SCN11A: variants seen among roughly 807,000 people sequenced by gnomAD.
SCN11A encodes the protein sodium voltage-gated channel alpha subunit 11, also known as sodium channel protein type 11 subunit alpha.
In SCN11A, 122 loss-of-function variants were observed where a neutral mutation model predicts 162.2. The ratio of observed to expected loss-of-function variants is 0.75; its 90% CI spans 0.65 to 0.87. The LOEUF (loss-of-function observed/expected upper bound fraction) is 0.87. SCN11A is among the 40% of genes least tolerant of loss of function. The pLI is 0.00. For missense variants in SCN11A, 2,015 were observed against 2,181.6 expected (o/e 0.92, Z 1.52); for synonymous variants, 758 against 751.5 (o/e 1.01, Z -0.14).
chr3:38,913,953 T>C (rs968649277), intron 11 of SCN11A, among the ~76,000 whole-genome samples: 1 of 152,182 alleles, frequency 6.6e-6, no homozygotes, highest in African/African-American at 2.4e-5. Flanking sequence ...ACTTTTTACT[T>C]AGGATTGCCT....
chr3:39,012,097 G>C (rs538661987), intron 2 of SCN11A, among the ~76,000 whole-genome samples: 1 of 152,016 alleles, frequency 6.6e-6, no homozygotes, highest in Admixed American at 6.6e-5. Context: ...AGGCCAAGGC[G>C]GGCAGATCAC....
chr3:38,934,352 A>C (rs200755708), intron 7 of SCN11A, among the ~76,000 whole-genome samples: 15,657 of 152,136 alleles, frequency 0.1, 1,036 homozygotes, highest in East Asian at 0.22. Context: ...TCATAATGAC[A>C]GGATCAAATT....
intron 2 of SCN11A, among the ~76,000 whole-genome samples, chr3:38,976,183 C>T (rs1466037632): frequency 6.6e-6 from 1 of 152,068 alleles, no homozygotes; most frequent in East Asian, 1.9e-4. Flanking sequence ...AATAACAATC[C>T]AGTTACATGC....
intron 2 of SCN11A, among the ~76,000 whole-genome samples, chr3:39,000,769 G>A (rs2030784161): frequency 6.6e-6 from 1 of 152,158 alleles, no homozygotes; most frequent in African/African-American, 2.4e-5. Flanking sequence ...GGGTGCAGTG[G>A]CTCACTCCTG....
chr3:38,885,477 A>C, intron 20 of SCN11A, 75 bp from the exon 21 acceptor site: 7 of 815,636 alleles, frequency 8.6e-6, no homozygotes, highest in Admixed American at 2.1e-5. Context: ...GGAGTTTCTC[A>C]TTGTCTGATT....
At chr3:38,963,966 C>T (rs2066764583) in intron 2 of SCN11A, among the ~76,000 whole-genome samples, 1 of 152,170 alleles carries the variant, frequency 6.6e-6, no homozygotes, top group South Asian at 2.1e-4. Context: ...ATCTTTCTAG[C>T]TTCATCTTTA....
intron 2 of SCN11A, among the ~76,000 whole-genome samples, chr3:38,998,571 G>A: frequency 6.6e-6 from 1 of 152,124 alleles, no homozygotes; most frequent in East Asian, 1.9e-4. Flanking sequence ...ATACCCAAAG[G>A]ATTATAAATC....
chr3:38,868,851 A>AGAG (rs1253919265), intron 26 of SCN11A, among the ~76,000 whole-genome samples: 1 of 152,334 alleles, frequency 6.6e-6, no homozygotes, highest in East Asian at 1.9e-4. Context: ...TGAGTAACAT[A>AGAG]ATTGAACAGA....
chr3:39,008,760 G>A (rs542537056), intron 2 of SCN11A, among the ~76,000 whole-genome samples: 8 of 152,022 alleles, frequency 5.3e-5, no homozygotes, highest in Non-Finnish European at 1.2e-4. Context: ...GCACGTGCCT[G>A]TAGTCCCAGC....
At chr3:38,901,366 G>A (rs2065696175) in intron 16 of SCN11A, among the ~76,000 whole-genome samples, 1 of 152,132 alleles carries the variant, frequency 6.6e-6, no homozygotes, top group South Asian at 2.1e-4. Flanking sequence ...GTCACCACCA[G>A]TATCTAAAAG....
Position 38,859,178 on chromosome 3 carries a change from T to C in SCN11A, c.4056+4017A>G, listed in dbSNP as rs186410494. 1.5e-3 allele frequency among the ~76,000 whole-genome samples: 219 copies of C among 151,012 alleles called. 1 individual carries two copies. The highest frequency in any genetic ancestry group is 4.5e-3 in the East Asian group (23 of 5,140). ...AGCAGAAGAAAATAAATAACAAAGATCAAGCAGAAATAAATTAAACTGAAA... is the reference window on the plus strand; with the variant it reads ...AGCAGAAGAAAATAAATAACAAAGACCAAGCAGAAATAAATTAAACTGAAA... On this transcript the variant is annotated intron_variant, in intron 28 of 29. Coordinates refer to ENST00000302328, the MANE Select transcript of SCN11A (RefSeq NM_001349253.2).
At chr3:38,981,480 G>A (rs1344624755) in intron 2 of SCN11A, among the ~76,000 whole-genome samples, 4 of 152,040 alleles carry the variant, frequency 2.6e-5, no homozygotes, top group Admixed American at 6.6e-5. Context: ...CAGTGCCTCC[G>A]GGGCCCATCT....
chr3:38,884,285 G>A (rs1430846121), intron 21 of SCN11A, among the ~76,000 whole-genome samples: 2 of 151,896 alleles, frequency 1.3e-5, no homozygotes, highest in Non-Finnish European at 2.9e-5. Flanking sequence ...CATCTCCACT[G>A]TTGACATCAT....
At chr3:38,889,629 C>T (rs1249690992) in intron 19 of SCN11A, among the ~76,000 whole-genome samples, 1 of 151,172 alleles carries the variant, frequency 6.6e-6, no homozygotes, top group Admixed American at 6.6e-5. Flanking sequence ...GAAACCCCAT[C>T]TCTACTAAAA....
chr3:38,861,106 C>T (rs1298604047), intron 28 of SCN11A, among the ~76,000 whole-genome samples: 2 of 151,954 alleles, frequency 1.3e-5, no homozygotes, highest in Non-Finnish European at 2.9e-5. Flanking sequence ...AACAACCAAG[C>T]TGAGAAACAA....
chr3:39,012,980 A>G (rs193263939), intron 2 of SCN11A, among the ~76,000 whole-genome samples: 78 of 152,286 alleles, frequency 5.1e-4, no homozygotes, highest in African/African-American at 1.7e-3. Context: ...TTCTACTGCA[A>G]TTATTTTTTT....
intron 2 of SCN11A, among the ~76,000 whole-genome samples, chr3:38,966,404 G>T (rs1156526923): frequency 6.6e-6 from 1 of 152,118 alleles, no homozygotes; most frequent in Non-Finnish European, 1.5e-5. Context: ...GTAATTTGAG[G>T]TAGGAGTATT....
chr3:38,904,493 C>T (rs11709492), intron 15 of SCN11A, among the ~76,000 whole-genome samples: 39,315 of 151,900 alleles, frequency 0.26, 5,522 homozygotes, highest in African/African-American at 0.36. Flanking sequence ...GCAAAAGGGG[C>T]AACCAGGGCT....
At chr3:38,998,635 T>G (rs1436485455) in intron 2 of SCN11A, among the ~76,000 whole-genome samples, 3 of 152,058 alleles carry the variant, frequency 2.0e-5, no homozygotes. Context: ...CTATTCACAA[T>G]AGCAAAGACT....
Sources: gnomAD v4.1 joint callset for allele counts (sites outside exome capture counted in the v4.1 genomes callset) on GRCh38, gnomAD v4.1.1 for gene constraint, MANE v1.5 for transcripts, NCBI Gene and HGNC (gene_info 2026-07-23, HGNC 2026-07-21) for gene names.